CALN1: variants seen among roughly 807,000 people sequenced by gnomAD.
CALN1 encodes the protein calneuron 1, also known as calcium-binding protein 8.
In CALN1, 17 loss-of-function variants were observed where a neutral mutation model predicts 30.6. That is an observed-to-expected ratio of 0.56 (90% confidence interval 0.38 to 0.83). The LOEUF is 0.83. Among genes scored for constraint, CALN1 ranks in the 40% least tolerant of loss-of-function variants. CALN1 has a pLI of 0.00. For missense variants in CALN1, 291 were observed against 354.9 expected (o/e 0.82, Z 1.45); for synonymous variants, 156 against 131.4 (o/e 1.19, Z -1.28).
chr7:72,052,142 C>T (rs1464445992), intron 4 of CALN1, among the ~76,000 whole-genome samples: 5 of 152,124 alleles, frequency 3.3e-5, no homozygotes, highest in East Asian at 3.9e-4. Flanking sequence ...ATGACTCCAT[C>T]GTAATTCTGG....
At chr7:72,083,229 T>C (rs1405565606) in intron 4 of CALN1, among the ~76,000 whole-genome samples, 1 of 151,942 alleles carries the variant, frequency 6.6e-6, no homozygotes, top group Non-Finnish European at 1.5e-5. Flanking sequence ...GTGTGACTGA[T>C]ATGCAAGAGA....
intron 1 of CALN1, among the ~76,000 whole-genome samples, chr7:72,437,734 CT>C (rs1436169608): frequency 4.1e-5 from 5 of 122,950 alleles, no homozygotes; most frequent in East Asian, 5.1e-4. Context: ...TCCTTCCCCC[CT>C]CCCACCCTTC....
intron 5 of CALN1, among the ~76,000 whole-genome samples, chr7:71,894,413 C>T (rs997800582): frequency 2.0e-5 from 3 of 151,650 alleles, no homozygotes; most frequent in Non-Finnish European, 4.4e-5. Context: ...TACAGGCACA[C>T]GCTACTATGC....
chr7:71,928,170 G>A (rs1194865512), intron 5 of CALN1, among the ~76,000 whole-genome samples: 1 of 152,138 alleles, frequency 6.6e-6, no homozygotes, highest in Non-Finnish European at 1.5e-5. Context: ...TCTTGTGAGT[G>A]CACAACGGAG....
intron 5 of CALN1, among the ~76,000 whole-genome samples, chr7:71,945,459 C>A (rs746792704): frequency 2.0e-5 from 3 of 152,192 alleles, no homozygotes; most frequent in Non-Finnish European, 4.4e-5. Flanking sequence ...GGCTCCTCAT[C>A]GCCCAGGCTG....
At chr7:71,858,027 CCT>C in intron 5 of CALN1, among the ~76,000 whole-genome samples, 1 of 152,044 alleles carries the variant, frequency 6.6e-6, no homozygotes, top group East Asian at 1.9e-4. Context: ...TCTCAGGACC[CCT>C]GATATGGTTT....
At chr7:72,036,145 T>C (rs1194168450) in intron 4 of CALN1, among the ~76,000 whole-genome samples, 4 of 152,244 alleles carry the variant, frequency 2.6e-5, no homozygotes, top group Admixed American at 2.6e-4. Context: ...TATTTTTTTC[T>C]TTTATCATTT....
intron 3 of CALN1, among the ~76,000 whole-genome samples, chr7:72,150,144 A>C (rs891001921): frequency 2.2e-5 from 3 of 137,044 alleles, no homozygotes; most frequent in Non-Finnish European, 4.9e-5. Flanking sequence ...AAAAAAAAAA[A>C]CAGATAGAAG....
intron 4 of CALN1, among the ~76,000 whole-genome samples, chr7:72,093,184 GTTA>G (rs1805992098): frequency 6.6e-6 from 1 of 152,104 alleles, no homozygotes; most frequent in Non-Finnish European, 1.5e-5. Context: ...TCACCATCAT[GTTA>G]CTTATGATTT....
chr7:72,151,135 C>T (rs1787211593), intron 3 of CALN1, among the ~76,000 whole-genome samples: 1 of 152,134 alleles, frequency 6.6e-6, no homozygotes, highest in Non-Finnish European at 1.5e-5. Flanking sequence ...CAGGTGGCTT[C>T]AACAACAGAA....
intron 2 of CALN1, among the ~76,000 whole-genome samples, chr7:72,284,821 G>GGATA (rs368097360): frequency 0.013 from 1,982 of 152,112 alleles, 49 homozygotes; most frequent in African/African-American, 0.043. Context: ...GATAGATTAA[G>GGATA]GATAGATAGA....
intron 3 of CALN1, among the ~76,000 whole-genome samples, chr7:72,198,593 A>G (rs1460646791): frequency 6.7e-6 from 1 of 150,066 alleles, no homozygotes; most frequent in South Asian, 2.1e-4. Flanking sequence ...ACCACCCCCC[A>G]CCCTTTAAAA....
chr7:71,831,898 CA>C (rs1562820531), intron 5 of CALN1, among the ~76,000 whole-genome samples: 1 of 63,008 alleles, frequency 1.6e-5, no homozygotes, highest in Non-Finnish European at 3.2e-5. Context: ...AAAAAAAAAA[CA>C]AACCAAAAAC....
At position 72,004,651 on chromosome 7, in the gene CALN1, T is replaced by C. The variant is rs866064435; in HGVS notation, c.501+19006A>G. The stretch of plus-strand genomic sequence containing the variant: ...AACAACATATCTGACCAAGGAGTAG[T>C]ATACAAAATATATAAAGAATTCTCA... On this transcript the variant is annotated intron_variant, in intron 5 of 6. Transcript: ENST00000395275. 2.0e-5 allele frequency among the ~76,000 whole-genome samples: 3 copies of C among 151,900 alleles called. No individual in the cohort carries two copies. The South Asian group carries it at 6.2e-4, about 32-fold the overall frequency.
At chr7:72,183,412 A>AAG (rs1256536318) in intron 3 of CALN1, among the ~76,000 whole-genome samples, 2 of 152,188 alleles carry the variant, frequency 1.3e-5, no homozygotes, top group Non-Finnish European at 2.9e-5. Context: ...AAATTATGAG[A>AAG]GTCTAGAAGT....
chr7:72,199,333 C>G (rs187045339), intron 3 of CALN1, among the ~76,000 whole-genome samples: 1 of 152,276 alleles, frequency 6.6e-6, no homozygotes, highest in Admixed American at 6.5e-5. Flanking sequence ...CTCCCAGTTT[C>G]CCATGAAAGG....
chr7:72,208,826 AGTG>A (rs1168937699), intron 3 of CALN1, among the ~76,000 whole-genome samples: 5 of 152,196 alleles, frequency 3.3e-5, no homozygotes, highest in African/African-American at 1.2e-4. Flanking sequence ...AAGCAGGAGA[AGTG>A]AATACACAGT....
chr7:72,354,639 G>A (rs919625783), intron 2 of CALN1, among the ~76,000 whole-genome samples: 16 of 152,142 alleles, frequency 1.1e-4, no homozygotes, highest in Admixed American at 7.9e-4. Context: ...ACTCACTTGC[G>A]TGTGACCAAT....
chr7:72,349,753 T>C (rs1562912915), intron 2 of CALN1, among the ~76,000 whole-genome samples: 1 of 152,040 alleles, frequency 6.6e-6, no homozygotes, highest in Non-Finnish European at 1.5e-5. Flanking sequence ...GAAAACTGCC[T>C]GTTTGTGTCC....
Sources: allele counts gnomAD v4.1 joint callset (sites outside exome capture counted in the v4.1 genomes callset), GRCh38; gene constraint gnomAD v4.1.1; transcripts MANE v1.5; gene names NCBI Gene and HGNC (gene_info 2026-07-23, HGNC 2026-07-21).